HS6ST2: variants seen among roughly 807,000 people sequenced by gnomAD.
HS6ST2 encodes the protein heparan sulfate 6-O-sulfotransferase 2.
HS6ST2 carries 17 observed loss-of-function variants against 33.0 expected under a neutral mutation model. That is an observed-to-expected ratio of 0.52 (90% CI 0.35 to 0.77). HS6ST2 has a LOEUF of 0.77. Ranked by LOEUF, HS6ST2 falls within the 30% of genes least tolerant of loss-of-function variation. The probability of loss-of-function intolerance (pLI) is 0.01; values close to 1 mark genes in which losing one functional copy is unlikely to be tolerated. For missense variants in HS6ST2, 519 were observed against 551.7 expected (o/e 0.94, Z 0.59); for synonymous variants, 248 against 237.1 (o/e 1.05, Z -0.42).
rs766159992 is a variant in HS6ST2, at chrX:132,841,679, C to T, written c.947+115129G>A. On this transcript the variant is annotated intron_variant, in intron 2 of 4. Transcript: ENST00000370833. ...AAGTACACTTCAGTTGAACTTGATA[C>T]CCAAATAGCCAGTTAAAAGGTGAAA... Among the ~76,000 whole-genome samples, 10 of 111,850 alleles carry T rather than the reference C, an allele frequency of 8.9e-5. No homozygotes were observed. In the South Asian group the frequency reaches 3.8e-3, roughly 42 times the overall value.
At chrX:132,846,387 T>C (rs1314655267) in intron 2 of HS6ST2, among the ~76,000 whole-genome samples, 1 of 112,569 alleles carries the variant, frequency 8.9e-6, no homozygotes, top group African/African-American at 3.2e-5. Flanking sequence ...TCATCTCAAG[T>C]GGTTTGTTTG....
chrX:132,887,615 A>G (rs1215129057), intron 2 of HS6ST2, among the ~76,000 whole-genome samples: 2 of 112,149 alleles, frequency 1.8e-5, no homozygotes, highest in Non-Finnish European at 3.8e-5. Flanking sequence ...TTAAACACAC[A>G]CTTACCATAT....
chrX:132,747,269 G>A (rs1319963956), intron 2 of HS6ST2, among the ~76,000 whole-genome samples: 1 of 111,901 alleles, frequency 8.9e-6, no homozygotes, highest in Non-Finnish European at 1.9e-5. Context: ...GGGGACTTAG[G>A]TCTATAACAT....
At chrX:132,784,070 C>T (rs1443099199) in intron 2 of HS6ST2, among the ~76,000 whole-genome samples, 1 of 111,193 alleles carries the variant, frequency 9.0e-6, no homozygotes, top group African/African-American at 3.3e-5. Context: ...ATACACTTCT[C>T]ACTCTTGTCA....
At chrX:132,640,814 C>T (rs954476939) in intron 4 of HS6ST2, among the ~76,000 whole-genome samples, 1 of 111,626 alleles carries the variant, frequency 9.0e-6, no homozygotes, top group Non-Finnish European at 1.9e-5. Flanking sequence ...CATCTGTATC[C>T]CCATTTTTAA....
intron 2 of HS6ST2, among the ~76,000 whole-genome samples, chrX:132,796,118 T>G (rs1168492795): frequency 9.0e-6 from 1 of 111,579 alleles, no homozygotes; most frequent in African/African-American, 3.3e-5. Context: ...TTTAAAGAAA[T>G]TCTCAAAGCT....
At chrX:132,768,246 G>C (rs764256289) in intron 2 of HS6ST2, among the ~76,000 whole-genome samples, 1 of 102,687 alleles carries the variant, frequency 9.7e-6, no homozygotes, top group Non-Finnish European at 2.0e-5. Context: ...TAGGGTGGGA[G>C]AATCACTTGA....
intron 2 of HS6ST2, among the ~76,000 whole-genome samples, chrX:132,779,908 A>T (rs1209354327): frequency 9.0e-6 from 1 of 110,878 alleles, no homozygotes; most frequent in Non-Finnish European, 1.9e-5. Context: ...TCGTAATTCT[A>T]ACCCAGTAGG....
chrX:132,939,786 A>C (rs1025237223), intron 2 of HS6ST2, among the ~76,000 whole-genome samples: 2 of 112,015 alleles, frequency 1.8e-5, no homozygotes, highest in Non-Finnish European at 3.8e-5. Context: ...ATTAGCACTG[A>C]AAGAATTTAA....
intron 2 of HS6ST2, among the ~76,000 whole-genome samples, chrX:132,719,482 A>G (rs1389804934): frequency 2.7e-5 from 3 of 112,024 alleles, no homozygotes; most frequent in African/African-American, 9.7e-5. Flanking sequence ...TAGCCCCTGT[A>G]GGATGCTCTT....
At chrX:132,886,296 G>C (rs1477006194) in intron 2 of HS6ST2, among the ~76,000 whole-genome samples, 1 of 111,528 alleles carries the variant, frequency 9.0e-6, no homozygotes, top group Non-Finnish European at 1.9e-5. Flanking sequence ...TGGAGAAAGA[G>C]AAATTAAAAT....
intron 2 of HS6ST2, among the ~76,000 whole-genome samples, chrX:132,828,614 G>A (rs764936400): frequency 7.7e-4 from 79 of 101,939 alleles, no homozygotes; most frequent in African/African-American, 2.7e-3. Flanking sequence ...TGGAGACACC[G>A]ACTGGGCACT....
intron 2 of HS6ST2, among the ~76,000 whole-genome samples, chrX:132,848,565 A>T (rs1382345267): frequency 8.9e-6 from 1 of 112,107 alleles, no homozygotes; most frequent in Non-Finnish European, 1.9e-5. Flanking sequence ...CCGTTTTCAT[A>T]GATGAGCGCC....
Position 132,628,523 on chromosome X carries a change from C to T in HS6ST2, c.1638G>A (p.Glu546=). The T allele has an allele frequency of 3.3e-6, 4 of 1,211,160 alleles. No individual in the cohort carries two copies. Among genetic ancestry groups the T allele is most frequent in the Non-Finnish European group, 4.5e-6 (4 of 895,356 alleles). The change falls in exon 5 of 5, where the codon GAG becomes GAA. Residue 546 remains glutamate, a synonymous_variant. Transcript: ENST00000370833. The part of the protein sequence containing the change: ...LQRYQFMRQK[E]HQEARRKRQE... Reference sequence around the variant, plus strand: ...GACGCTTTCGCCTGGCCTCCTGATGCTCTTTCTGCCTCATAAACTGATACC... The same window carrying T: ...GACGCTTTCGCCTGGCCTCCTGATGTTCTTTCTGCCTCATAAACTGATACC...
chrX:132,670,245 T>A (rs2063855521), intron 3 of HS6ST2, among the ~76,000 whole-genome samples: 1 of 112,073 alleles, frequency 8.9e-6, no homozygotes, highest in South Asian at 3.7e-4. Context: ...ATGTCAAACA[T>A]CTTTTCAGAT....
In HS6ST2 at chrX:132,829,199, T is replaced by TATATACAC. The variant is rs55664940; in HGVS notation, c.948-120706_948-120705insGTGTATAT. On this transcript the variant is annotated intron_variant, in intron 2 of 4. Coordinates refer to ENST00000370833, the MANE Select transcript of HS6ST2 (RefSeq NM_001394073.1). ...GAACATATATATATATATATATATA[T>TATATACAC]ACATACTTATATTTATATTTATCTA... 1.1e-3 allele frequency among the ~76,000 whole-genome samples: 79 copies of TATATACAC among 73,274 alleles called. 1 individual carries two copies. Among genetic ancestry groups the TATATACAC allele is most frequent in the African/African-American group, 4.1e-3 (68 of 16,519 alleles). The allele number at this position is 73,274 out of a possible 115,157, so 63.6% of individuals were successfully genotyped here. A position where few individuals can be genotyped will look rare whatever the true frequency, so the allele number is the denominator to read the frequency against.
rs767579419 is a variant in HS6ST2, at chrX:132,807,859, C to T, written c.948-99365G>A. On this transcript the variant is annotated intron_variant, in intron 2 of 4. Transcript: ENST00000370833. ...GAGGGTCATGTCACAGCTGAGAGTG[C>T]GCTGGCTGGCATTCCCTCCAGAAGG... Among the ~76,000 whole-genome samples, 5 of 112,000 alleles carry T rather than the reference C, an allele frequency of 4.5e-5. No individual in the cohort carries two copies. In the South Asian group the frequency reaches 1.9e-3, roughly 42 times the overall value.
intron 3 of HS6ST2, among the ~76,000 whole-genome samples, chrX:132,672,985 C>T (rs2063896299): frequency 8.9e-6 from 1 of 111,994 alleles, no homozygotes; most frequent in African/African-American, 3.2e-5. Flanking sequence ...GAAACTTCTG[C>T]ATCTCCTTTG....
At chrX:132,677,676 C>T (rs1169930704) in intron 3 of HS6ST2, among the ~76,000 whole-genome samples, 1 of 112,276 alleles carries the variant, frequency 8.9e-6, no homozygotes, top group Non-Finnish European at 1.9e-5. Flanking sequence ...TAAAAAGTGA[C>T]AGCCTATTGC....
Sources: allele counts gnomAD v4.1 joint callset (sites outside exome capture counted in the v4.1 genomes callset), GRCh38; gene constraint gnomAD v4.1.1; transcripts MANE v1.5; gene names NCBI Gene and HGNC (gene_info 2026-07-23, HGNC 2026-07-21).